KAT2A: variants seen among roughly 807,000 people sequenced by gnomAD.
KAT2A encodes histone acetyltransferase KAT2A.
A neutral mutation model predicts 95.2 loss-of-function variants in KAT2A; 42 were observed. The ratio of observed to expected loss-of-function variants is 0.44; its 90% CI spans 0.34 to 0.57. KAT2A has a LOEUF of 0.57. Ranked by LOEUF, KAT2A falls within the 20% of genes least tolerant of loss-of-function variation. KAT2A has a pLI of 0.01. For synonymous variants in KAT2A, 449 were observed against 448.2 expected, an observed-to-expected ratio of 1.00 and a Z score of -0.02; for missense variants, 784 against 1,126.3, an observed-to-expected ratio of 0.70 and a Z score of 4.35.
chr17:42,121,128 C>A lies in KAT2A; in HGVS notation c.177G>T (p.Gly59=), dbSNP rs1315987386. 1 of 1,502,584 alleles carries A rather than the reference C, an allele frequency of 6.7e-7. No individual in the cohort carries two copies. The highest frequency in any genetic ancestry group is 2.5e-5 in the East Asian group (1 of 40,564). 93.1% of individuals were successfully genotyped at this position (1,502,584 alleles called of 1,614,324 possible). A position where few individuals can be genotyped will look rare whatever the true frequency, so the allele number is the denominator to read the frequency against. The change falls in exon 1 of 18, where the codon GGG becomes GGT. Residue 59 remains glycine, a synonymous_variant. Transcript: ENST00000225916. ...CACTTCCTACCCCGGGCCCCCCAGT[C>A]CCTGTGCTGCCGGCTGGGGCTGCAG... is the stretch of plus-strand genomic sequence containing the variant. ...APAAAPAGST[G]TGGPGVGSGG... is the part of the protein sequence containing the mutation.
chr17:42,117,177 G>A lies in KAT2A; in HGVS notation c.1638-16C>T, dbSNP rs782086160. 2 of 1,613,508 alleles carry A rather than the reference G, an allele frequency of 1.2e-6. No homozygotes were observed. The highest frequency in any genetic ancestry group is 2.2e-5 in the East Asian group (1 of 44,878). On this transcript the variant is annotated splice_polypyrimidine_tract_variant and intron_variant, in intron 10 of 17. Transcript: ENST00000225916. The surrounding 1 kb of genome is among the most constrained non-coding windows in gnomAD (Gnocchi z 8.9). ...CTTGTGCTTCCTAAGAGAGAGGGGGGCATGTCATAGCCCCTGACTGTCCCC... is the reference window on the plus strand; with the variant it reads ...CTTGTGCTTCCTAAGAGAGAGGGGGACATGTCATAGCCCCTGACTGTCCCC...
At chr17:42,120,574 A>G (rs1356037668) in intron 2 of KAT2A, 132 bp downstream of exon 2, 11 of 914,962 alleles carry the variant, frequency 1.2e-5, no homozygotes, top group South Asian at 6.3e-5. Flanking sequence ...CTTGGTGCAC[A>G]CCCCCCCCCA....
In KAT2A at chr17:42,117,235, G is replaced by A; in HGVS notation, c.1638-74C>T. The A allele has an allele frequency of 6.3e-7, 1 of 1,592,416 alleles. No homozygotes were observed. Among genetic ancestry groups the A allele is most frequent in the Non-Finnish European group, 8.6e-7 (1 of 1,166,090 alleles). On this transcript the variant is annotated intron_variant, in intron 10 of 17. Transcript: ENST00000225916. The surrounding 1 kb of genome is among the most constrained non-coding windows in gnomAD (Gnocchi z 8.9). ...CCCCAGAGCCCTGGAAGTCTGAGCT[G>A]TAGTCAGGGTTGGGCAGTGAGAAGT... is the stretch of plus-strand genomic sequence containing the variant.
In KAT2A at chr17:42,119,583, T is replaced by C; in HGVS notation, c.835A>G (p.Arg279Gly). 1.2e-6 allele frequency: 2 copies of C among 1,612,148 alleles called. No individual in the cohort carries two copies. Among genetic ancestry groups the C allele is most frequent in the Non-Finnish European group, 1.7e-6 (2 of 1,178,880 alleles). The stretch of plus-strand genomic sequence containing the variant: ...GTAGCCACGTCCTCAGCCTGAGACC[T>C]CTGCCGAAACTGGGCAGGTGTCTCA... ...KLETPAQFRQ[R>G]SQAEDVATYK... The change falls in exon 5 of 18, where the codon AGG becomes GGG. Residue 279 changes from arginine (R) to glycine (G), a missense_variant. Physicochemically the swap from Arg to Gly is moderately radical, Grantham distance 125. This residue lies in a region of KAT2A where 208 missense variants were observed against 339.7 expected (regional missense o/e 0.61). Transcript: ENST00000225916. This position sits in a 1 kb window ranked among gnomAD's most constrained non-coding sequence, Gnocchi z 5.3.
Position 42,119,983 on chromosome 17 carries a change from G to C in KAT2A, c.699+47C>G, listed in dbSNP as rs1202553734. ...GAACACAGGCTCCCCACTCCTCCAAGCTGTCCCCAATTCTCCTATCCGCTA... is the reference window on the plus strand; with the variant it reads ...GAACACAGGCTCCCCACTCCTCCAACCTGTCCCCAATTCTCCTATCCGCTA... On this transcript the variant is annotated intron_variant, in intron 4 of 17. Coordinates refer to ENST00000225916, the MANE Select transcript of KAT2A (RefSeq NM_021078.3). This position sits in a 1 kb window ranked among gnomAD's most constrained non-coding sequence, Gnocchi z 5.3. 1.3e-6 allele frequency: 2 copies of C among 1,501,540 alleles called. No homozygotes were observed. Among genetic ancestry groups the C allele is most frequent in the Non-Finnish European group, 1.9e-6 (2 of 1,079,000 alleles). 93.0% of individuals were successfully genotyped at this position (1,501,540 alleles called of 1,614,324 possible). A position where few individuals can be genotyped will look rare whatever the true frequency, so the allele number is the denominator to read the frequency against.
At position 42,114,453 on chromosome 17, in the gene KAT2A, G is replaced by C. The variant is rs782725349; in HGVS notation, c.2134+37C>G. On this transcript the variant is annotated intron_variant, in intron 14 of 17. Transcript: ENST00000225916. This position sits in a 1 kb window ranked among gnomAD's most constrained non-coding sequence, Gnocchi z 6.0. ...AATGCCAGTCCACACCCCAAGCATCGTGCCCCCACTACCCTGCAACTGAGA... is the reference window on the plus strand; with the variant it reads ...AATGCCAGTCCACACCCCAAGCATCCTGCCCCCACTACCCTGCAACTGAGA... 1.2e-6 allele frequency: 2 copies of C among 1,612,406 alleles called. No individual in the cohort carries two copies. Among genetic ancestry groups the C allele is most frequent in the Non-Finnish European group, 8.5e-7 (1 of 1,178,504 alleles).
In KAT2A at chr17:42,120,339, T is replaced by G. The variant is rs782653829; in HGVS notation, c.495A>C (p.Ser165=). The part of the protein sequence containing the change: ...ADHVSHLENV[S]EDEINRLLGM... ...CCAGCAGTCGGTTTATCTCATCCTCTGACACATTCTCCAAGTGGGATACGT... is the reference window on the plus strand; with the variant it reads ...CCAGCAGTCGGTTTATCTCATCCTCGGACACATTCTCCAAGTGGGATACGT... The change falls in exon 3 of 18, where the codon TCA becomes TCC. Residue 165 remains serine (S), a synonymous_variant. Transcript: ENST00000225916. The G allele has an allele frequency of 6.2e-7, 1 of 1,614,242 alleles. No homozygotes were observed. Among genetic ancestry groups the G allele is most frequent in the Admixed American group, 1.7e-5 (1 of 60,034 alleles).
In KAT2A at chr17:42,114,603, A is replaced by G; in HGVS notation, c.2021T>C (p.Ile674Thr). The G allele has an allele frequency of 6.2e-7, 1 of 1,612,984 alleles. No homozygotes were observed. The highest frequency in any genetic ancestry group is 8.5e-7 in the Non-Finnish European group (1 of 1,179,552). ...TTTGCGCTCAATCAGCTTCTTGATG[A>G]TCTGAGGGAAGGAAGGGACTGAGGG... ...LSHIIKKQKE[I>T]IKKLIERKQA... The change falls in exon 14 of 18, where the codon ATC becomes ACC. Residue 674 changes from isoleucine (I) to threonine (T), a missense_variant and splice_region_variant. By Grantham distance (89) the Ile-to-Thr change is moderately conservative. Around this residue, in one of 6 missense-constraint regions of KAT2A, gnomAD observed 195 missense variants for 247.1 expected, o/e 0.79. Transcript: ENST00000225916. The surrounding 1 kb of genome is among the most constrained non-coding windows in gnomAD (Gnocchi z 6.0).
rs2054250472 is a variant in KAT2A, at chr17:42,115,845, G to A, written c.1765-12C>T. The A allele has an allele frequency of 3.3e-6, 5 of 1,520,068 alleles. No individual in the cohort carries two copies. The highest frequency in any genetic ancestry group is 4.6e-6 in the Non-Finnish European group (5 of 1,094,556). The allele number at this position is 1,520,068 out of a possible 1,614,324, so 94.2% of individuals were successfully genotyped here. On this transcript the variant is annotated splice_polypyrimidine_tract_variant and intron_variant, in intron 11 of 17. Transcript: ENST00000225916. The stretch of plus-strand genomic sequence containing the variant: ...TGGGTCCCATAACCCTGCGGGGGAG[G>A]GAAGCAGGACTCACCAGGAGCTGAG...
At position 42,114,465 on chromosome 17, in the gene KAT2A, C is replaced by T. The variant is rs372407449; in HGVS notation, c.2134+25G>A. On this transcript the variant is annotated intron_variant, in intron 14 of 17. Transcript: ENST00000225916. The surrounding 1 kb of genome is among the most constrained non-coding windows in gnomAD (Gnocchi z 6.0). ...CACCCCAAGCATCGTGCCCCCACTA[C>T]CCTGCAACTGAGACCCCTGCTTACG... is the stretch of plus-strand genomic sequence containing the variant. 26 of 1,613,010 alleles carry T rather than the reference C, an allele frequency of 1.6e-5. No homozygotes were observed. The highest frequency in any genetic ancestry group is 4.5e-5 in the East Asian group (2 of 44,888).
At position 42,114,265 on chromosome 17, in the gene KAT2A, G is replaced by A; in HGVS notation, c.2189C>T (p.Pro730Leu). ...GKEKGKELKDPDQLYTTLKNL... is the reference protein window; with the variant it reads ...GKEKGKELKDLDQLYTTLKNL... ...TTTGAGGGTTGTGTAGAGCTGGTCG[G>A]GGTCCTTCAGCTCCTTCCTGGGGCG... Residue 730 changes from proline to leucine, a missense_variant, in exon 16 of 18, where the codon CCC becomes CTC. This residue lies in a region of KAT2A where 195 missense variants were observed against 247.1 expected (regional missense o/e 0.79). Coordinates refer to ENST00000225916, the MANE Select transcript of KAT2A (RefSeq NM_021078.3). This position sits in a 1 kb window ranked among gnomAD's most constrained non-coding sequence, Gnocchi z 6.0. The A allele has an allele frequency of 6.2e-7, 1 of 1,609,884 alleles. No individual in the cohort carries two copies. The highest frequency in any genetic ancestry group is 8.5e-7 in the Non-Finnish European group (1 of 1,177,280).
In KAT2A at chr17:42,113,523, C is replaced by T; in HGVS notation, c.*126G>A. 1 of 857,942 alleles carries T rather than the reference C, an allele frequency of 1.2e-6. No individual in the cohort carries two copies. Among genetic ancestry groups the T allele is most frequent in the Admixed American group, 2.6e-5 (1 of 38,030 alleles). The allele number at this position is 857,942 out of a possible 1,614,324, so 53.1% of individuals were successfully genotyped here. ...TCCAGAAAGAGCTGCAGGATCGGGTCCGGAGGACCCTTGGCTGGAGTGTCT... is the reference window on the plus strand; with the variant it reads ...TCCAGAAAGAGCTGCAGGATCGGGTTCGGAGGACCCTTGGCTGGAGTGTCT... On this transcript the variant is annotated 3_prime_UTR_variant, in exon 18 of 18. Transcript: ENST00000225916.
At chr17:42,116,762 C>T (rs1231133089) in intron 11 of KAT2A, among the ~76,000 whole-genome samples, 3 of 152,148 alleles carry the variant, frequency 2.0e-5, no homozygotes, top group South Asian at 2.1e-4. Context: ...GTAATTAATT[C>T]CCCCATGTAT....
intron 11 of KAT2A, 54 bp from the exon 12 acceptor site, chr17:42,115,887 G>A (rs1555665893): frequency 6.9e-6 from 7 of 1,021,484 alleles, no homozygotes; most frequent in Non-Finnish European, 1.1e-5. Context: ...CCTGGTGCTG[G>A]AGAGGTCTCA....
At position 42,117,280 on chromosome 17, in the gene KAT2A, A is replaced by C; in HGVS notation, c.1637+108T>G. Reference sequence around the variant, plus strand: ...AGAAGTAAGAATGCTCAAAGGATGAACCTCAGAAGTGGGGAGCAGGGGATC... The same window carrying C: ...AGAAGTAAGAATGCTCAAAGGATGACCCTCAGAAGTGGGGAGCAGGGGATC... On this transcript the variant is annotated intron_variant, in intron 10 of 17. Transcript: ENST00000225916. The surrounding 1 kb of genome is among the most constrained non-coding windows in gnomAD (Gnocchi z 8.9). 1 of 1,550,254 alleles carries C rather than the reference A, an allele frequency of 6.5e-7. No homozygotes were observed. The highest frequency in any genetic ancestry group is 8.8e-7 in the Non-Finnish European group (1 of 1,132,494).
In KAT2A at chr17:42,120,710, G is replaced by T; in HGVS notation, c.459C>A (p.Pro153=). 6.2e-7 allele frequency: 1 copy of T among 1,614,058 alleles called. No homozygotes were observed. The highest frequency in any genetic ancestry group is 8.5e-7 in the Non-Finnish European group (1 of 1,180,038). ...CAAGGGCGCTGCCTGCCTTACCCAA[G>T]GGGTGCTCACAACTGCGGCACAGCT... The part of the protein sequence containing the change: ...LSELCRSCEH[P]LADHVSHLEN... The change falls in exon 2 of 18, where the codon CCC becomes CCA. Residue 153 remains proline (P), a synonymous_variant. Coordinates refer to ENST00000225916, the MANE Select transcript of KAT2A (RefSeq NM_021078.3).
rs782811070 is a variant in KAT2A, at chr17:42,114,560, C to G, written c.2064G>C (p.Lys688Asn). The G allele has an allele frequency of 6.2e-7, 1 of 1,614,058 alleles. No individual in the cohort carries two copies. Among genetic ancestry groups the G allele is most frequent in the Non-Finnish European group, 8.5e-7 (1 of 1,179,996 alleles). The change falls in exon 14 of 18, where the codon AAG becomes AAC. Residue 688 changes from lysine to asparagine, a missense_variant. Lys to Asn is a moderately conservative substitution (Grantham distance 94, BLOSUM62 0). Around this residue, in one of 6 missense-constraint regions of KAT2A, gnomAD observed 195 missense variants for 247.1 expected, o/e 0.79. Transcript: ENST00000225916. The surrounding 1 kb of genome is among the most constrained non-coding windows in gnomAD (Gnocchi z 6.0). ...TGAAGCAGCTGAGCCCCGGGTAGAC[C>G]TTGCGGATCTGGGCCTGTTTGCGCT... ...LIERKQAQIR[K>N]VYPGLSCFKE...
intron 11 of KAT2A, among the ~76,000 whole-genome samples, chr17:42,116,548 T>C (rs1454258144): frequency 7.3e-5 from 11 of 151,494 alleles, no homozygotes; most frequent in African/African-American, 2.7e-4. Flanking sequence ...TGCAACATGG[T>C]GAAACCCTGT....
At position 42,114,755 on chromosome 17, in the gene KAT2A, G is replaced by A. The variant is rs1357680493; in HGVS notation, c.2019+137C>T. 1 of 1,208,714 alleles carries A rather than the reference G, an allele frequency of 8.3e-7. No homozygotes were observed. The highest frequency in any genetic ancestry group is 1.2e-6 in the Non-Finnish European group (1 of 837,914). 74.9% of individuals were successfully genotyped at this position (1,208,714 alleles called of 1,614,324 possible). On this transcript the variant is annotated intron_variant, in intron 13 of 17. Coordinates refer to ENST00000225916, the MANE Select transcript of KAT2A (RefSeq NM_021078.3). The surrounding 1 kb of genome is among the most constrained non-coding windows in gnomAD (Gnocchi z 6.0). Reference sequence around the variant, plus strand: ...TAACTTCCCCAAGGGAGCAGAGCAAGAGCCAAGATCCTGGCCTGCCCCTCC... The same window carrying A: ...TAACTTCCCCAAGGGAGCAGAGCAAAAGCCAAGATCCTGGCCTGCCCCTCC...
Sources: allele counts gnomAD v4.1 joint callset (sites outside exome capture counted in the v4.1 genomes callset), GRCh38; gene constraint gnomAD v4.1.1; regional missense constraint gnomAD v4.1.1; non-coding constraint Gnocchi (gnomAD v3.1); transcripts MANE v1.5; gene names NCBI Gene and HGNC (gene_info 2026-07-23, HGNC 2026-07-21).